The following MEPCE variants were observed in gnomAD, a reference collection of about 807,000 sequenced individuals.
MEPCE encodes 7SK snRNA methylphosphate capping enzyme.
A neutral mutation model predicts 52.3 loss-of-function variants in MEPCE; 9 were observed. The ratio of observed to expected loss-of-function variants is 0.17; its 90% CI spans 0.10 to 0.30. The LOEUF (loss-of-function observed/expected upper bound fraction) is 0.30, where lower values mean the gene tolerates loss of function less well. Among genes scored for constraint, MEPCE ranks in the 10% least tolerant of loss-of-function variants. The pLI is 1.00. For synonymous variants in MEPCE, 477 were observed against 401.6 expected (o/e 1.19, Z -2.25); for missense variants, 826 against 933.0 (o/e 0.89, Z 1.49).
Position 100,430,961 on chromosome 7 carries a change from C to A in MEPCE, c.943C>A (p.Pro315Thr). The change falls in exon 1 of 4, where the codon CCC (proline) becomes ACC (threonine). Residue 315 changes from proline (P) to threonine (T), a missense_variant. Pro to Thr is a conservative substitution (Grantham distance 38, BLOSUM62 -1). Around this residue, in one of 7 missense-constraint regions of MEPCE, gnomAD observed 307 missense variants for 292.1 expected, o/e 1.05. Transcript: ENST00000310512. ...HRGQNRDAPQ[P>T]YELNTAINCR... ...GGGCCAGAACCGGGATGCCCCCCAA[C>A]CCTATGAACTCAACACAGCCATCAA... 4 of 1,609,812 alleles carry A rather than the reference C, an allele frequency of 2.5e-6. No individual in the cohort carries two copies. In the African/African-American group the frequency reaches 4.0e-5, roughly 16 times the overall value.
At chr7:100,429,825 G>C (rs890147247), upstream of MEPCE, 3 of 427,502 alleles carry the variant, frequency 7.0e-6, no homozygotes, top group African/African-American at 6.1e-5. Context: ...TTCGGGTCTC[G>C]CGGGCCTCTT....
rs772873346 is a variant in MEPCE at position 100,431,031 on chromosome 7, G to T, written c.1013G>T (p.Gly338Val). 13 of 1,613,772 alleles carry T rather than the reference G, an allele frequency of 8.1e-6. No homozygotes were observed. ...VVSPLPSALQ[G>V]PSGSLSAPPA... is the part of the protein sequence containing the mutation. ...TCTCCCCTTCCATCTGCTCTGCAGG[G>T]TCCCTCAGGCTCCCTATCAGCCCCT... The change falls in exon 1 of 4, where the codon GGT becomes GTT. Residue 338 changes from glycine (G) to valine (V), a missense_variant. Around this residue, in one of 7 missense-constraint regions of MEPCE, gnomAD observed 307 missense variants for 292.1 expected, o/e 1.05. Transcript: ENST00000310512.
chr7:100,433,612 G>A lies in MEPCE; in HGVS notation c.*58G>A, dbSNP rs1798788894. 1.9e-6 allele frequency: 3 copies of A among 1,539,808 alleles called. No individual in the cohort carries two copies. The highest frequency in any genetic ancestry group is 2.3e-4 in the Middle Eastern group (1 of 4,338). On this transcript the variant is annotated 3_prime_UTR_variant, in exon 4 of 4. Coordinates refer to ENST00000310512, the MANE Select transcript of MEPCE (RefSeq NM_019606.6). The stretch of plus-strand genomic sequence containing the variant: ...GCCCTCGCTGCTCATAAGGACCTGG[G>A]GGAAGAGGAAAGTGTCCCAAGGTCT...
chr7:100,430,303 TGGG>T lies in MEPCE; in HGVS notation c.287_289del (p.Gly96del). 1 of 1,416,830 alleles carries T rather than the reference TGGG, an allele frequency of 7.1e-7. No homozygotes were observed. 87.8% of individuals were successfully genotyped at this position (1,416,830 alleles called of 1,614,324 possible). A position where few individuals can be genotyped will look rare whatever the true frequency, so the allele number is the denominator to read the frequency against. ...GGGGCGGCCCCCAGGCGCAGTCGCA[TGGG>T]GAGGCCCGCCTGTCGGATCCCCCGG... On this transcript the variant is annotated inframe_deletion, in exon 1 of 4. Coordinates refer to ENST00000310512, the MANE Select transcript of MEPCE (RefSeq NM_019606.6).
Position 100,430,125 on chromosome 7 carries a change from A to G in MEPCE, c.107A>G (p.Gln36Arg), listed in dbSNP as rs1245548156. 2 of 1,267,386 alleles carry G rather than the reference A, an allele frequency of 1.6e-6. No homozygotes were observed. Among genetic ancestry groups the G allele is most frequent in the Non-Finnish European group, 2.0e-6 (2 of 1,006,610 alleles). 78.5% of individuals were successfully genotyped at this position (1,267,386 alleles called of 1,614,324 possible). Residue 36 changes from glutamine (Q) to arginine (R), a missense_variant, in exon 1 of 4, where the codon CAA (glutamine) becomes CGA (arginine). This residue lies in a region of MEPCE where 314 missense variants were observed against 277.7 expected (regional missense o/e 1.13). Transcript: ENST00000310512. The part of the protein sequence containing the change: ...GGGGPTVPPH[Q>R]EAASGELRGG... ...GGCGGCCCCACGGTGCCACCGCACCAAGAGGCCGCCTCTGGGGAGCTCCGC... is the reference window on the plus strand; with the variant it reads ...GGCGGCCCCACGGTGCCACCGCACCGAGAGGCCGCCTCTGGGGAGCTCCGC...
At chr7:100,429,627 T>G (rs1416452246), upstream of MEPCE, 6 of 167,700 alleles carry the variant, frequency 3.6e-5, no homozygotes, top group East Asian at 1.6e-4. Flanking sequence ...TGTGGGGGGG[T>G]TATATTTAAA....
rs1798623014 is a variant in MEPCE at position 100,430,467 on chromosome 7, G to T, written c.449G>T (p.Arg150Ile). Residue 150 changes from arginine to isoleucine, a missense_variant, in exon 1 of 4, where the codon AGA (arginine) becomes ATA (isoleucine). By Grantham distance (97) the Arg-to-Ile change is moderately conservative. This residue lies in a region of MEPCE where 314 missense variants were observed against 277.7 expected (regional missense o/e 1.13). Coordinates refer to ENST00000310512, the MANE Select transcript of MEPCE (RefSeq NM_019606.6). Reference sequence around the variant, plus strand: ...CCTGGGGGGGGCGGGGGCAAGAGGAGAAATAGCTGTAATGTAGGGGGAGGC... The same window carrying T: ...CCTGGGGGGGGCGGGGGCAAGAGGATAAATAGCTGTAATGTAGGGGGAGGC... ...RPPGGGGGKR[R>I]NSCNVGGGGG... 1 of 1,565,262 alleles carries T rather than the reference G, an allele frequency of 6.4e-7. No homozygotes were observed. The highest frequency in any genetic ancestry group is 8.6e-7 in the Non-Finnish European group (1 of 1,159,376).
chr7:100,433,961 A>G lies in MEPCE; in HGVS notation c.*407A>G, dbSNP rs1223512438. On this transcript the variant is annotated 3_prime_UTR_variant, in exon 4 of 4. Transcript: ENST00000310512. ...GTCCCTAGCTGCATTTCAGTGGACCATGGATAGAGGGACTGAGGGTTAGAC... is the reference window on the plus strand; with the variant it reads ...GTCCCTAGCTGCATTTCAGTGGACCGTGGATAGAGGGACTGAGGGTTAGAC... 4 of 199,094 alleles carry G rather than the reference A, an allele frequency of 2.0e-5. No homozygotes were observed. The highest frequency in any genetic ancestry group is 9.4e-5 in the African/African-American group (4 of 42,552). The allele number at this position is 199,094 out of a possible 1,614,324, so 12.3% of individuals were successfully genotyped here. A position where few individuals can be genotyped will look rare whatever the true frequency, so the allele number is the denominator to read the frequency against.
In MEPCE at chr7:100,430,764, A is replaced by C; in HGVS notation, c.746A>C (p.His249Pro). Residue 249 changes from histidine (H) to proline (P), a missense_variant, in exon 1 of 4, where the codon CAT becomes CCT. This residue lies in a region of MEPCE where 307 missense variants were observed against 292.1 expected (regional missense o/e 1.05). Coordinates refer to ENST00000310512, the MANE Select transcript of MEPCE (RefSeq NM_019606.6). ...LSLNTCTDEG[H>P]VVLASPLKTG... ...CTCAATACTTGCACTGATGAGGGCC[A>C]TGTAGTTCTTGCTTCGCCACTCAAG... The C allele has an allele frequency of 6.2e-7, 1 of 1,613,866 alleles. No individual in the cohort carries two copies. Among genetic ancestry groups the C allele is most frequent in the South Asian group, 1.1e-5 (1 of 91,086 alleles).
At position 100,431,662 on chromosome 7, in the gene MEPCE, C is replaced by T. The variant is rs762937164; in HGVS notation, c.1644C>T (p.Val548=). ...QVPLDGADTS[V]FPNNVVFVTG... is the part of the protein sequence containing the mutation. ...CCTTGGATGGAGCGGACACATCAGTCTTCCCCAACAATGTTGTCTTCGTCA... is the reference window on the plus strand; with the variant it reads ...CCTTGGATGGAGCGGACACATCAGTTTTCCCCAACAATGTTGTCTTCGTCA... Residue 548 remains valine (V), a synonymous_variant, in exon 1 of 4, where the codon GTC becomes GTT. Coordinates refer to ENST00000310512, the MANE Select transcript of MEPCE (RefSeq NM_019606.6). The T allele has an allele frequency of 2.1e-5, 34 of 1,598,872 alleles. No homozygotes were observed. Among genetic ancestry groups the T allele is most frequent in the Middle Eastern group, 1.6e-4 (1 of 6,064 alleles).
At position 100,431,011 on chromosome 7, in the gene MEPCE, C is replaced by G; in HGVS notation, c.993C>G (p.Pro331=). ...ACTGCAGGGATGAAGTGGTGTCTCC[C>G]CTTCCATCTGCTCTGCAGGGTCCCT... ...AINCRDEVVS[P]LPSALQGPSG... Residue 331 remains proline, a synonymous_variant, in exon 1 of 4, where the codon CCC becomes CCG. Coordinates refer to ENST00000310512, the MANE Select transcript of MEPCE (RefSeq NM_019606.6). The G allele has an allele frequency of 6.2e-7, 1 of 1,613,858 alleles. No homozygotes were observed. Among genetic ancestry groups the G allele is most frequent in the African/African-American group, 1.3e-5 (1 of 75,046 alleles).
Position 100,433,563 on chromosome 7 carries a change from C to G in MEPCE, c.*9C>G. The G allele has an allele frequency of 6.2e-7, 1 of 1,611,860 alleles. No individual in the cohort carries two copies. The highest frequency in any genetic ancestry group is 8.5e-7 in the Non-Finnish European group (1 of 1,179,840). On this transcript the variant is annotated 3_prime_UTR_variant, in exon 4 of 4. Coordinates refer to ENST00000310512, the MANE Select transcript of MEPCE (RefSeq NM_019606.6). ...GATCCCCCAGCCACTAAGTGGCCCC[C>G]TAAACAGAAAGTGTGAAGAGGCTGC...
At position 100,430,390 on chromosome 7, in the gene MEPCE, G is replaced by T; in HGVS notation, c.372G>T (p.Leu124=). 6.6e-7 allele frequency: 1 copy of T among 1,506,492 alleles called. No homozygotes were observed. Among genetic ancestry groups the T allele is most frequent in the Non-Finnish European group, 8.9e-7 (1 of 1,129,702 alleles). The allele number at this position is 1,506,492 out of a possible 1,614,324, so 93.3% of individuals were successfully genotyped here. A position where few individuals can be genotyped will look rare whatever the true frequency, so the allele number is the denominator to read the frequency against. Residue 124 remains leucine (L), a synonymous_variant, in exon 1 of 4, where the codon CTG becomes CTT. Transcript: ENST00000310512. Reference sequence around the variant, plus strand: ...GCCGGGGAGGGGGCGGGACAGAGCTGGGTCCCCCTGCTCCTCCTCGACCCC... The same window carrying T: ...GCCGGGGAGGGGGCGGGACAGAGCTTGGTCCCCCTGCTCCTCCTCGACCCC... ...EERRGGGGTE[L]GPPAPPRPRN...
At position 100,431,047 on chromosome 7, in the gene MEPCE, A is replaced by G. The variant is rs368488379; in HGVS notation, c.1029A>G (p.Leu343=). ...PSALQGPSGS[L]SAPPAASVIS... is the part of the protein sequence containing the mutation. The stretch of plus-strand genomic sequence containing the variant: ...CTCTGCAGGGTCCCTCAGGCTCCCT[A>G]TCAGCCCCTCCAGCTGCCTCAGTTA... Residue 343 remains leucine (L), a synonymous_variant, in exon 1 of 4, where the codon CTA becomes CTG. Transcript: ENST00000310512. 24 of 1,613,834 alleles carry G rather than the reference A, an allele frequency of 1.5e-5. No homozygotes were observed. Among genetic ancestry groups the G allele is most frequent in the East Asian group, 1.3e-4 (6 of 44,874 alleles).
intron 1 of MEPCE, among the ~76,000 whole-genome samples, chr7:100,432,193 C>T (rs1384310363): frequency 1.3e-5 from 2 of 152,140 alleles, no homozygotes; most frequent in African/African-American, 4.8e-5. Context: ...TTTGTTGAAG[C>T]GTGTCAGGAA....
chr7:100,431,514 C>T lies in MEPCE; in HGVS notation c.1496C>T (p.Pro499Leu). 6.2e-7 allele frequency: 1 copy of T among 1,613,404 alleles called. No individual in the cohort carries two copies. The highest frequency in any genetic ancestry group is 8.5e-7 in the Non-Finnish European group (1 of 1,180,026). The change falls in exon 1 of 4, where the codon CCC becomes CTC. Residue 499 changes from proline to leucine, a missense_variant. By Grantham distance (98) the Pro-to-Leu change is moderately conservative. This residue lies in a region of MEPCE where 107 missense variants were observed against 157.9 expected (regional missense o/e 0.68). Coordinates refer to ENST00000310512, the MANE Select transcript of MEPCE (RefSeq NM_019606.6). The part of the protein sequence containing the change: ...HYLSEELRLP[P>L]QTLEGDPGAE... ...CTTTCCGAGGAGCTGCGTCTCCCACCCCAGACTTTGGAAGGGGACCCGGGG... is the reference window on the plus strand; with the variant it reads ...CTTTCCGAGGAGCTGCGTCTCCCACTCCAGACTTTGGAAGGGGACCCGGGG...
rs778092584 is a variant in MEPCE, at chr7:100,430,850, G to A, written c.832G>A (p.Gly278Arg). The change falls in exon 1 of 4, where the codon GGG becomes AGG. Residue 278 changes from glycine (G) to arginine (R), a missense_variant. Physicochemically the swap from Gly to Arg is moderately radical, Grantham distance 125. This residue lies in a region of MEPCE where 307 missense variants were observed against 292.1 expected (regional missense o/e 1.05). Coordinates refer to ENST00000310512, the MANE Select transcript of MEPCE (RefSeq NM_019606.6). ...CCACCAGCAGCAGCAGGCAGCCGGA[G>A]GGAGTGAGAGTCACCCCGTGCCGCC... ...QHHQQQQAAGGSESHPVPPTA... is the reference protein window; with the variant it reads ...QHHQQQQAAGRSESHPVPPTA... The A allele has an allele frequency of 1.3e-5, 21 of 1,610,358 alleles. No homozygotes were observed. Among genetic ancestry groups the A allele is most frequent in the Non-Finnish European group, 1.5e-5 (18 of 1,177,698 alleles).
At position 100,433,853 on chromosome 7, in the gene MEPCE, G is replaced by A. The variant is rs753545051; in HGVS notation, c.*299G>A. 1.4e-5 allele frequency: 6 copies of A among 428,910 alleles called. No individual in the cohort carries two copies. Among genetic ancestry groups the A allele is most frequent in the Admixed American group, 8.4e-5 (2 of 23,916 alleles). 26.6% of individuals were successfully genotyped at this position (428,910 alleles called of 1,614,324 possible). A position where few individuals can be genotyped will look rare whatever the true frequency, so the allele number is the denominator to read the frequency against. On this transcript the variant is annotated 3_prime_UTR_variant, in exon 4 of 4. Coordinates refer to ENST00000310512, the MANE Select transcript of MEPCE (RefSeq NM_019606.6). Reference sequence around the variant, plus strand: ...TCTCTTAGGGCATGGGAGGTGGGAGGATATCAAATTCTCTAGCCCTTTCCT... The same window carrying A: ...TCTCTTAGGGCATGGGAGGTGGGAGAATATCAAATTCTCTAGCCCTTTCCT...
chr7:100,429,933 G>C lies in MEPCE; in HGVS notation c.-86G>C, dbSNP rs993245402. 3 of 1,072,294 alleles carry C rather than the reference G, an allele frequency of 2.8e-6. No individual in the cohort carries two copies. In the African/African-American group the frequency reaches 4.9e-5, roughly 18 times the overall value. 66.4% of individuals were successfully genotyped at this position (1,072,294 alleles called of 1,614,324 possible). On this transcript the variant is annotated 5_prime_UTR_variant, in exon 1 of 4. Transcript: ENST00000310512. ...AGAGCTGCGCGCGCACTCGGGAAAG[G>C]GGGGAAGGGAGCAGGGTCCAGGCAG...
Sources: allele counts gnomAD v4.1 joint callset (sites outside exome capture counted in the v4.1 genomes callset), GRCh38; gene constraint gnomAD v4.1.1; regional missense constraint gnomAD v4.1.1; transcripts MANE v1.5; gene names NCBI Gene and HGNC (gene_info 2026-07-23, HGNC 2026-07-21).